The following SLC4A5 variants were observed in gnomAD, a reference collection of about 807,000 sequenced individuals.
SLC4A5 encodes solute carrier family 4 member 5.
A neutral mutation model predicts 120.4 loss-of-function variants in SLC4A5; 96 were observed. The ratio of observed to expected loss-of-function variants is 0.80; its 90% CI spans 0.68 to 0.94. SLC4A5 has a LOEUF of 0.94. SLC4A5 is among the 40% of genes least tolerant of loss of function. SLC4A5 has a pLI of 0.00. For missense variants in SLC4A5, 1,259 were observed against 1,459.5 expected (o/e 0.86, Z 2.24); for synonymous variants, 550 against 571.1 (o/e 0.96, Z 0.53).
chr2:74,244,441 CTTTCT>C (rs1048092289), intron 19 of SLC4A5, among the ~76,000 whole-genome samples: 8 of 136,996 alleles, frequency 5.8e-5, no homozygotes, highest in African/African-American at 2.4e-4. Flanking sequence ...CTTTCCTTTC[CTTTCT>C]TTTCTTTCCT....
At chr2:74,237,183 A>G (rs1331826835) in intron 21 of SLC4A5, among the ~76,000 whole-genome samples, 1 of 152,044 alleles carries the variant, frequency 6.6e-6, no homozygotes, top group Admixed American at 6.6e-5. Context: ...TCACCATGTT[A>G]GCCAGGATGG....
chr2:74,222,293 C>T (rs1191927417), intron 29 of SLC4A5, among the ~76,000 whole-genome samples: 2 of 152,126 alleles, frequency 1.3e-5, no homozygotes, highest in African/African-American at 2.4e-5. Context: ...GATCTGGGGA[C>T]ACCTGGGGAA....
intron 6 of SLC4A5, chr2:74,307,928 C>T: frequency 2.0e-6 from 1 of 510,058 alleles, no homozygotes; most frequent in Non-Finnish European, 3.8e-6. Context: ...TGCTGACCAG[C>T]CAGGCGCCGT....
intron 8 of SLC4A5, among the ~76,000 whole-genome samples, chr2:74,265,722 G>C (rs1324627852): frequency 2.0e-5 from 3 of 152,188 alleles, no homozygotes; most frequent in Non-Finnish European, 4.4e-5. Flanking sequence ...CAGGAAAAAT[G>C]TTCCCTGACG....
intron 21 of SLC4A5, among the ~76,000 whole-genome samples, chr2:74,236,539 C>T (rs1416890245): frequency 1.3e-5 from 2 of 152,094 alleles, no homozygotes; most frequent in African/African-American, 2.4e-5. Context: ...TTTCTTGTTC[C>T]GTAAACACAT....
chr2:74,283,951 C>T (rs1342430553), intron 8 of SLC4A5, among the ~76,000 whole-genome samples: 5 of 151,724 alleles, frequency 3.3e-5, no homozygotes, highest in Non-Finnish European at 5.9e-5. Flanking sequence ...TGATCTCCCA[C>T]CTCATCTTTT....
chr2:74,248,608 C>A, intron 17 of SLC4A5, 122 bp from the exon 18 acceptor site: 1 of 1,158,096 alleles, frequency 8.6e-7, no homozygotes, highest in South Asian at 1.6e-5. Flanking sequence ...GTTCTGGGCC[C>A]TTTCCTCCCT....
chr2:74,292,029 G>A (rs2104204990), intron 7 of SLC4A5, among the ~76,000 whole-genome samples: 1 of 152,272 alleles, frequency 6.6e-6, no homozygotes, highest in Middle Eastern at 3.4e-3. Context: ...TCCAGACTCT[G>A]CTATTACTAG....
At chr2:74,304,981 G>A (rs1573082788) in intron 6 of SLC4A5, among the ~76,000 whole-genome samples, 1 of 152,326 alleles carries the variant, frequency 6.6e-6, no homozygotes, top group East Asian at 1.9e-4. Context: ...CTTATGACAC[G>A]TGGTTAAGGG....
intron 28 of SLC4A5, among the ~76,000 whole-genome samples, chr2:74,223,870 C>T (rs1694748273): frequency 6.6e-6 from 1 of 152,138 alleles, no homozygotes; most frequent in African/African-American, 2.4e-5. Context: ...TTAATCACCA[C>T]CAGCCAGTCA....
chr2:74,248,888 A>G lies in SLC4A5; in HGVS notation c.1654-402T>C, dbSNP rs148415785. ...AAAGTCCGCTGAGTGTCTGCTGTGT[A>G]CCAGGCATTGTGAAAGGTATTGAGA... On this transcript the variant is annotated intron_variant, in intron 17 of 30. Coordinates refer to ENST00000394019, the Ensembl canonical transcript of SLC4A5. Among the ~76,000 whole-genome samples, 12 of 152,348 alleles carry G rather than the reference A, an allele frequency of 7.9e-5. No homozygotes were observed. The East Asian group carries it at 1.2e-3, about 15-fold the overall frequency.
At chr2:74,232,340 C>G in intron 24 of SLC4A5, 129 bp downstream of exon 24, 1 of 1,080,252 alleles carries the variant, frequency 9.3e-7, no homozygotes, top group Non-Finnish European at 1.3e-6. Context: ...ACTCCTGTCC[C>G]TGTGGTTCTT....
chr2:74,289,218 T>C (rs1410208766), intron 7 of SLC4A5, among the ~76,000 whole-genome samples: 2 of 152,214 alleles, frequency 1.3e-5, no homozygotes, highest in African/African-American at 4.8e-5. Flanking sequence ...TAAAACACTA[T>C]ACATATGAGT....
intron 4 of SLC4A5, among the ~76,000 whole-genome samples, chr2:74,328,734 A>T (rs1673278408): frequency 6.6e-6 from 1 of 152,204 alleles, no homozygotes; most frequent in African/African-American, 2.4e-5. Flanking sequence ...CCAACTTTTA[A>T]GTTGTTAGAG....
intron 7 of SLC4A5, among the ~76,000 whole-genome samples, chr2:74,299,394 AG>A (rs1160688885): frequency 1.3e-5 from 2 of 152,192 alleles, no homozygotes; most frequent in Non-Finnish European, 2.9e-5. Flanking sequence ...TTTTATAAAG[AG>A]CAGTTCCCCT....
chr2:74,262,055 C>T (rs1434157591), intron 11 of SLC4A5, 82 bp downstream of exon 11: 8 of 1,300,808 alleles, frequency 6.2e-6, no homozygotes, highest in Non-Finnish European at 8.6e-6. Context: ...GGCTTTGTCT[C>T]CCCCACCTAT....
chr2:74,333,710 A>C (rs1673420924), intron 4 of SLC4A5, among the ~76,000 whole-genome samples: 2 of 151,976 alleles, frequency 1.3e-5, no homozygotes, highest in Admixed American at 1.3e-4. Flanking sequence ...TGACTGTTTG[A>C]CCTCTGTGCC....
chr2:74,317,425 G>C (rs1672995900), intron 5 of SLC4A5, among the ~76,000 whole-genome samples: 1 of 152,078 alleles, frequency 6.6e-6, no homozygotes, highest in South Asian at 2.1e-4. Flanking sequence ...GTTTCTCAAA[G>C]ATAGAAATAG....
In SLC4A5 at chr2:74,262,229, C is replaced by T. The variant is rs200437626; in HGVS notation, c.719G>A (p.Arg240His). The change falls in exon 11 of 31, where the codon CGC (arginine) becomes CAC (histidine). Residue 240 changes from arginine to histidine, a missense_variant. Physicochemically the swap from Arg to His is conservative, Grantham distance 29 (BLOSUM62 0). Coordinates refer to ENST00000394019, the Ensembl canonical transcript of SLC4A5. ...AGCACCAGGGCTCCGGGCAGGACTG[C>T]GATCTGGGAGGAGAATCAGAAGGGA... 1.4e-5 allele frequency: 22 copies of T among 1,613,046 alleles called. No homozygotes were observed. Among genetic ancestry groups the T allele is most frequent in the Middle Eastern group, 3.3e-4 (2 of 6,054 alleles).
Sources: gnomAD v4.1 joint callset for allele counts (sites outside exome capture counted in the v4.1 genomes callset) on GRCh38, gnomAD v4.1.1 for gene constraint, MANE v1.5 for transcripts, NCBI Gene and HGNC (gene_info 2026-07-23, HGNC 2026-07-21) for gene names.